Variants in MYT1 observed in about 807,000 individuals in gnomAD.
MYT1 encodes myelin transcription factor I.
A neutral mutation model predicts 123.0 loss-of-function variants in MYT1; 23 were observed. The ratio of observed to expected loss-of-function variants is 0.19; its 90% CI spans 0.13 to 0.26. The LOEUF (loss-of-function observed/expected upper bound fraction) is 0.26. Ranked by LOEUF, MYT1 falls within the 10% of genes least tolerant of loss-of-function variation. MYT1 has a pLI of 1.00. For synonymous variants in MYT1, 518 were observed against 575.3 expected, an observed-to-expected ratio of 0.90 and a Z score of 1.43; for missense variants, 1,125 against 1,472.5, an observed-to-expected ratio of 0.76 and a Z score of 3.86.
intron 1 of MYT1, among the ~76,000 whole-genome samples, chr20:64,182,450 C>T (rs1163832821): frequency 2.6e-5 from 4 of 152,258 alleles, no homozygotes; most frequent in East Asian, 3.9e-4. Flanking sequence ...CCTGACATAG[C>T]ACTGGCCGAG....
chr20:64,235,846 C>G lies in MYT1; in HGVS notation c.2898-709C>G, dbSNP rs796955705. 3.0e-4 allele frequency among the ~76,000 whole-genome samples: 28 copies of G among 91,962 alleles called. 1 individual carries two copies. Among genetic ancestry groups the G allele is most frequent in the African/African-American group, 4.5e-4 (9 of 19,908 alleles). 60.3% of individuals were successfully genotyped at this position (91,962 alleles called of 152,430 possible). ...CACTGGGCTGGCTGTGGTGGGTGAC[C>G]CTGGGCTGGCCGTGGTGGGTGACGC... is the stretch of plus-strand genomic sequence containing the variant. On this transcript the variant is annotated intron_variant, in intron 19 of 22. Transcript: ENST00000328439.
At chr20:64,237,144 G>C in intron 20 of MYT1, 143 bp from the exon 21 acceptor site, 1 of 625,788 alleles carries the variant, frequency 1.6e-6, no homozygotes, top group Non-Finnish European at 2.8e-6. Context: ...ATGAGCCCCA[G>C]AGAGAGATGA....
chr20:64,207,172 C>T (rs1389117853), intron 6 of MYT1, among the ~76,000 whole-genome samples: 1 of 152,228 alleles, frequency 6.6e-6, no homozygotes, highest in Non-Finnish European at 1.5e-5. Flanking sequence ...GCATGAGCCA[C>T]CGAGCCCATT....
At chr20:64,222,387 G>A (rs1428402569) in intron 14 of MYT1, among the ~76,000 whole-genome samples, 2 of 152,336 alleles carry the variant, frequency 1.3e-5, no homozygotes, top group South Asian at 4.1e-4. Flanking sequence ...CAGAGGCCTG[G>A]CCCTCTCCCT....
rs985267747 is a variant in MYT1 at position 64,232,417 on chromosome 20, G to A, written c.2897+32G>A. The stretch of plus-strand genomic sequence containing the variant: ...GTGCCTGCAGGTCCTGCCCCTCTGT[G>A]CAGTCAGTAGGGACCCTCGCCTGGG... On this transcript the variant is annotated intron_variant, in intron 19 of 22. Transcript: ENST00000328439. The surrounding 1 kb of genome is among the most constrained non-coding windows in gnomAD (Gnocchi z 6.9). 6.2e-6 allele frequency: 10 copies of A among 1,603,616 alleles called. No homozygotes were observed. Among genetic ancestry groups the A allele is most frequent in the Non-Finnish European group, 8.5e-6 (10 of 1,171,820 alleles).
rs140140260 is a variant in MYT1, at chr20:64,231,118, G to A, written c.2676-1046G>A. On this transcript the variant is annotated intron_variant, in intron 18 of 22. Transcript: ENST00000328439. The surrounding 1 kb of genome is among the most constrained non-coding windows in gnomAD (Gnocchi z 6.4). The stretch of plus-strand genomic sequence containing the variant: ...TCCCTGTATGCCCATGAATCTCCTC[G>A]TAAATGGAGCCATGGTGACCTCTCG... Among the ~76,000 whole-genome samples the A allele has an allele frequency of 1.6e-4, 24 of 150,856 alleles. 1 individual carries two copies. The highest frequency in any genetic ancestry group is 5.9e-4 in the East Asian group (3 of 5,094).
At position 64,232,602 on chromosome 20, in the gene MYT1, C is replaced by T. The variant is rs111854882; in HGVS notation, c.2897+217C>T. On this transcript the variant is annotated intron_variant, in intron 19 of 22. Transcript: ENST00000328439. The surrounding 1 kb of genome is among the most constrained non-coding windows in gnomAD (Gnocchi z 6.9). ...GGTTATGTCTTCGCCATGCGTCTCC[C>T]CTCATACGCCACCCTTCCACATCCT... Among the ~76,000 whole-genome samples, 820 of 152,216 alleles carry T rather than the reference C, an allele frequency of 5.4e-3. 8 individuals are homozygous for T. The highest frequency in any genetic ancestry group is 0.019 in the African/African-American group (774 of 41,520).
chr20:64,207,312 A>G (rs1235977013), intron 6 of MYT1, among the ~76,000 whole-genome samples: 2 of 152,254 alleles, frequency 1.3e-5, no homozygotes, highest in African/African-American at 4.8e-5. Context: ...GGAGAGGAAC[A>G]TTAAGAAAAA....
intron 4 of MYT1, among the ~76,000 whole-genome samples, chr20:64,204,454 T>C (rs1220387454): frequency 6.6e-6 from 1 of 152,210 alleles, no homozygotes; most frequent in South Asian, 2.1e-4. Flanking sequence ...TTCTTTTCCC[T>C]GCGTGGAAGC....
chr20:64,202,034 C>CT lies in MYT1; in HGVS notation c.86+2112_86+2113insT, dbSNP rs1449919387. Among the ~76,000 whole-genome samples the CT allele has an allele frequency of 7.8e-4, 108 of 138,792 alleles. 1 individual carries two copies. Among genetic ancestry groups the CT allele is most frequent in the African/African-American group, 2.5e-3 (99 of 39,452 alleles). 91.1% of individuals were successfully genotyped at this position (138,792 alleles called of 152,430 possible). On this transcript the variant is annotated intron_variant, in intron 4 of 22. Coordinates refer to ENST00000328439, the MANE Select transcript of MYT1 (RefSeq NM_004535.3). This position sits in a 1 kb window ranked among gnomAD's most constrained non-coding sequence, Gnocchi z 5.0. ...GGAACCCCTCGCGTGTCGGGAACCCCCGCGTGTCGGGAACCTCTGCGTGTC... is the reference window on the plus strand; with the variant it reads ...GGAACCCCTCGCGTGTCGGGAACCCCTCGCGTGTCGGGAACCTCTGCGTGTC...
chr20:64,200,098 CTCTA>C (rs766435549), intron 4 of MYT1, among the ~76,000 whole-genome samples, 176 bp downstream of exon 4: 14 of 152,346 alleles, frequency 9.2e-5, no homozygotes, highest in Non-Finnish European at 1.6e-4. Flanking sequence ...TTGGCCCCAT[CTCTA>C]TCTGTTCTCA....
Position 64,207,687 on chromosome 20 carries a change from T to C in MYT1, c.491T>C (p.Ile164Thr). The C allele has an allele frequency of 6.2e-7, 1 of 1,614,024 alleles. No individual in the cohort carries two copies. The highest frequency in any genetic ancestry group is 8.5e-7 in the Non-Finnish European group (1 of 1,180,020). Residue 164 changes from isoleucine to threonine, a missense_variant, in exon 7 of 23, where the codon ATC (isoleucine) becomes ACC (threonine). Physicochemically the swap from Ile to Thr is moderately conservative, Grantham distance 89 (BLOSUM62 -1). Transcript: ENST00000328439. ...AGCTACAGCAGCTACCAGGGAATCA[T>C]CGCAACTTCTCTCCTGAACTTGGGT... ...KGSYSSYQGI[I>T]ATSLLNLGQI...
In MYT1 at chr20:64,236,259, G is replaced by A. The variant is rs370302972; in HGVS notation, c.2898-296G>A. Among the ~76,000 whole-genome samples the A allele has an allele frequency of 1.4e-4, 21 of 146,684 alleles. No homozygotes were observed. The East Asian group carries it at 2.7e-3, about 19-fold the overall frequency. On this transcript the variant is annotated intron_variant, in intron 19 of 22. Coordinates refer to ENST00000328439, the MANE Select transcript of MYT1 (RefSeq NM_004535.3). ...GGATGGCTGTGGTGGGTGACCCTGG[G>A]ATGGCGGTGGTGGGTGACCCGGGGC...
rs572461061 is a variant in MYT1, at chr20:64,205,068, C to T, written c.120C>T (p.His40=). 75 of 1,614,058 alleles carry T rather than the reference C, an allele frequency of 4.6e-5. No homozygotes were observed. Among genetic ancestry groups the T allele is most frequent in the Non-Finnish European group, 5.3e-5 (63 of 1,180,034 alleles). Residue 40 remains histidine (H), a synonymous_variant, in exon 5 of 23, where the codon CAC becomes CAT. Coordinates refer to ENST00000328439, the MANE Select transcript of MYT1 (RefSeq NM_004535.3). ...CPTPGCTGSG[H]VRGKYSRHRS... is the part of the protein sequence containing the mutation. ...CCCCAGGATGCACAGGCTCAGGGCA[C>T]GTCCGGGGCAAGTACTCCAGGCACC...
intron 7 of MYT1, among the ~76,000 whole-genome samples, chr20:64,210,501 A>T (rs73161116): frequency 0.099 from 15,132 of 152,282 alleles, 864 homozygotes; most frequent in South Asian, 0.13. Context: ...TTGGGGCAGC[A>T]GAGCAAGAGC....
At chr20:64,207,483 T>C in intron 6 of MYT1, 111 bp from the exon 7 acceptor site, 1 of 1,518,474 alleles carries the variant, frequency 6.6e-7, no homozygotes. Flanking sequence ...GGCTCCCGTA[T>C]AAAGAGTGAG....
At chr20:64,187,260 T>C (rs1327080036) in intron 1 of MYT1, among the ~76,000 whole-genome samples, 9 of 120,678 alleles carry the variant, frequency 7.5e-5, no homozygotes, top group South Asian at 3.0e-4. Flanking sequence ...TCCTGTAGCC[T>C]GTGGCCCCGG....
At chr20:64,229,393 A>C (rs1047741467) in intron 18 of MYT1, among the ~76,000 whole-genome samples, 1 of 152,186 alleles carries the variant, frequency 6.6e-6, no homozygotes, top group African/African-American at 2.4e-5. Flanking sequence ...GCATTTTTCA[A>C]ATTAACCAGG....
chr20:64,236,307 G>C (rs1216286003), intron 19 of MYT1, among the ~76,000 whole-genome samples: 4 of 145,952 alleles, frequency 2.7e-5, no homozygotes, highest in African/African-American at 1.0e-4. Context: ...GTGACCCTGG[G>C]ATGGCCGCGG....
Sources: allele counts gnomAD v4.1 joint callset (sites outside exome capture counted in the v4.1 genomes callset), GRCh38; gene constraint gnomAD v4.1.1; non-coding constraint Gnocchi (gnomAD v3.1); transcripts MANE v1.5; gene names NCBI Gene and HGNC (gene_info 2026-07-23, HGNC 2026-07-21).